The following RHBDL3 variants were observed in gnomAD, a reference collection of about 807,000 sequenced individuals.
RHBDL3 encodes rhomboid like 3.
A neutral mutation model predicts 48.2 loss-of-function variants in RHBDL3; 28 were observed. The ratio of observed to expected loss-of-function variants is 0.58; its 90% confidence interval spans 0.43 to 0.80. RHBDL3 has a LOEUF of 0.80. RHBDL3 is among the 30% of genes least tolerant of loss of function. RHBDL3 has a pLI of 0.00. For synonymous variants in RHBDL3, 208 were observed against 232.3 expected, an observed-to-expected ratio of 0.90 and a Z score of 0.95; for missense variants, 464 against 542.7, an observed-to-expected ratio of 0.85 and a Z score of 1.44.
At chr17:32,270,863 A>G (rs6505293) in intron 2 of RHBDL3, among the ~76,000 whole-genome samples, 95,420 of 152,050 alleles carry the variant, frequency 0.63, 32,350 homozygotes, top group African/African-American at 0.91. Context: ...AAAATTTACC[A>G]TAAATATTAG....
chr17:32,279,818 C>T (rs1328751705), intron 2 of RHBDL3, among the ~76,000 whole-genome samples: 3 of 152,098 alleles, frequency 2.0e-5, no homozygotes, highest in Admixed American at 6.5e-5. Context: ...ACAACAGCTG[C>T]GAGTGGAGCC....
intron 2 of RHBDL3, among the ~76,000 whole-genome samples, chr17:32,275,879 C>T (rs1337270665): frequency 2.0e-5 from 3 of 152,132 alleles, no homozygotes; most frequent in South Asian, 2.1e-4. Flanking sequence ...AGGGGCCTGG[C>T]CTGGCCAGAT....
At chr17:32,316,923 G>A (rs1385475847) in intron 8 of RHBDL3, among the ~76,000 whole-genome samples, 1 of 151,674 alleles carries the variant, frequency 6.6e-6, no homozygotes, top group Non-Finnish European at 1.5e-5. Context: ...CCAGGCTAGA[G>A]TGCAGTGGTG....
chr17:32,267,949 T>C lies in RHBDL3; in HGVS notation c.135+24T>C, dbSNP rs548413181. Reference sequence around the variant, plus strand: ...AGGTATGTGAGCAGTTAACCCCCCATTTCCTTCCAGCCCTCCCTGAAATCG... The same window carrying C: ...AGGTATGTGAGCAGTTAACCCCCCACTTCCTTCCAGCCCTCCCTGAAATCG... On this transcript the variant is annotated intron_variant, in intron 2 of 8. Transcript: ENST00000269051. The C allele has an allele frequency of 1.4e-4, 227 of 1,567,892 alleles. 4 individuals carry two copies. In the South Asian group the frequency reaches 2.5e-3, roughly 17 times the overall value.
intron 2 of RHBDL3, 25 bp from the exon 3 acceptor site, chr17:32,284,634 C>T (rs546087509): frequency 6.2e-7 from 1 of 1,611,476 alleles, no homozygotes; most frequent in South Asian, 1.1e-5. Flanking sequence ...CCTGCTGACC[C>T]TGCTGCTGTC....
intron 2 of RHBDL3, among the ~76,000 whole-genome samples, chr17:32,275,728 G>A (rs906967838): frequency 2.0e-5 from 3 of 152,210 alleles, no homozygotes; most frequent in Admixed American, 6.5e-5. Context: ...CAAGGGGGAT[G>A]CTCAGGAGGC....
Position 32,305,546 on chromosome 17 carries a change from C to G in RHBDL3, c.882+105C>G, listed in dbSNP as rs374414149. 1.5e-4 allele frequency: 121 copies of G among 799,156 alleles called. No individual in the cohort carries two copies. The African/African-American group carries it at 1.7e-3, about 11-fold the overall frequency. 49.5% of individuals were successfully genotyped at this position (799,156 alleles called of 1,614,324 possible). ...CTGGCTCACCAAAAACCAGGCAGAC[C>G]TGACCTGGAGCAGAGTTCTCACACA... On this transcript the variant is annotated intron_variant, in intron 7 of 8. Coordinates refer to ENST00000269051, the MANE Select transcript of RHBDL3 (RefSeq NM_138328.3).
chr17:32,285,104 C>T (rs1370189471), intron 3 of RHBDL3, among the ~76,000 whole-genome samples: 1 of 149,372 alleles, frequency 6.7e-6, no homozygotes, highest in Non-Finnish European at 1.5e-5. Context: ...CCTCAGGCTG[C>T]ACCTTGCAGA....
At chr17:32,275,266 C>G (rs1315739822) in intron 2 of RHBDL3, among the ~76,000 whole-genome samples, 1 of 152,200 alleles carries the variant, frequency 6.6e-6, no homozygotes, top group Non-Finnish European at 1.5e-5. Context: ...TCAGGCTGGG[C>G]CGGATGAGTC....
Position 32,321,244 on chromosome 17 carries a change from A to T in RHBDL3, c.*15A>T. Reference sequence around the variant, plus strand: ...CTCCCCCCTGAGGGCTGGAGGCCCAAGGTCGGGGAGGGGAGGGAAAAGCAG... The same window carrying T: ...CTCCCCCCTGAGGGCTGGAGGCCCATGGTCGGGGAGGGGAGGGAAAAGCAG... On this transcript the variant is annotated 3_prime_UTR_variant, in exon 9 of 9. Coordinates refer to ENST00000269051, the MANE Select transcript of RHBDL3 (RefSeq NM_138328.3). The T allele has an allele frequency of 6.2e-7, 1 of 1,614,100 alleles. No individual in the cohort carries two copies. The highest frequency in any genetic ancestry group is 8.5e-7 in the Non-Finnish European group (1 of 1,180,012).
intron 1 of RHBDL3, among the ~76,000 whole-genome samples, 182 bp downstream of exon 1, chr17:32,266,482 C>T (rs1335595919): frequency 6.6e-6 from 1 of 152,148 alleles, no homozygotes; most frequent in Non-Finnish European, 1.5e-5. Flanking sequence ...CGCGCGCGCA[C>T]CGCTTCCCCC....
At chr17:32,267,067 A>T (rs552613601) in intron 1 of RHBDL3, among the ~76,000 whole-genome samples, 1 of 152,164 alleles carries the variant, frequency 6.6e-6, no homozygotes, top group African/African-American at 2.4e-5. Context: ...TAACCTACAC[A>T]TAGGGGTGAA....
At chr17:32,267,853 T>C in intron 1 of RHBDL3, 49 bp from the exon 2 acceptor site, 1 of 1,613,778 alleles carries the variant, frequency 6.2e-7, no homozygotes, top group South Asian at 1.1e-5. Flanking sequence ...AAGTGTGTCT[T>C]TCTTTCTCTC....
chr17:32,275,729 C>T (rs7218642), intron 2 of RHBDL3, among the ~76,000 whole-genome samples: 47,937 of 152,038 alleles, frequency 0.32, 8,295 homozygotes, highest in African/African-American at 0.46. Flanking sequence ...AAGGGGGATG[C>T]TCAGGAGGCT....
At chr17:32,283,077 C>T (rs760139786) in intron 2 of RHBDL3, among the ~76,000 whole-genome samples, 3 of 152,152 alleles carry the variant, frequency 2.0e-5, no homozygotes, top group Non-Finnish European at 4.4e-5. Context: ...CGGACTCCCT[C>T]GTCATGCACA....
chr17:32,298,964 G>A (rs545549881), intron 6 of RHBDL3, among the ~76,000 whole-genome samples: 6 of 152,202 alleles, frequency 3.9e-5, no homozygotes, highest in Admixed American at 2.6e-4. Flanking sequence ...GGGAGAGCAC[G>A]GATTTCTGCA....
At chr17:32,293,725 C>T (rs1309686331) in intron 4 of RHBDL3, among the ~76,000 whole-genome samples, 1 of 152,128 alleles carries the variant, frequency 6.6e-6, no homozygotes, top group Non-Finnish European at 1.5e-5. Flanking sequence ...TCAAAATCCT[C>T]CAAATCCTTT....
intron 6 of RHBDL3, among the ~76,000 whole-genome samples, chr17:32,305,119 A>AAAAG (rs548730181): frequency 1.3e-5 from 2 of 151,160 alleles, no homozygotes; most frequent in Non-Finnish European, 3.0e-5. Flanking sequence ...CCTTGTCTCA[A>AAAAG]AAAGAAAGAA....
Position 32,323,752 on chromosome 17 carries a change from G to T in RHBDL3, c.*2523G>T, listed in dbSNP as rs2041196282. The T allele has an allele frequency of 6.6e-6, 1 of 152,424 alleles. No homozygotes were observed. Among genetic ancestry groups the T allele is most frequent in the Non-Finnish European group, 1.5e-5 (1 of 68,250 alleles). 9.4% of individuals were successfully genotyped at this position (152,424 alleles called of 1,614,324 possible). ...GCCAAGGACCCTCGTCTACACCTTAGACCACCAGCCCCAGCTGTTCTCTGT... is the reference window on the plus strand; with the variant it reads ...GCCAAGGACCCTCGTCTACACCTTATACCACCAGCCCCAGCTGTTCTCTGT... On this transcript the variant is annotated 3_prime_UTR_variant, in exon 9 of 9. Coordinates refer to ENST00000269051, the MANE Select transcript of RHBDL3 (RefSeq NM_138328.3).
Sources: allele counts gnomAD v4.1 joint callset (sites outside exome capture counted in the v4.1 genomes callset), GRCh38; gene constraint gnomAD v4.1.1; transcripts MANE v1.5; gene names NCBI Gene and HGNC (gene_info 2026-07-23, HGNC 2026-07-21).